The following KLHL12 variants were observed in gnomAD, a reference collection of about 807,000 sequenced individuals.
KLHL12 encodes kelch-like protein 12.
KLHL12 carries 17 observed loss-of-function variants against 60.8 expected under a neutral mutation model. That is an observed-to-expected ratio of 0.28 (90% CI 0.19 to 0.42). The LOEUF (loss-of-function observed/expected upper bound fraction) is 0.42. Among genes scored for constraint, KLHL12 ranks in the 10% least tolerant of loss-of-function variants. The pLI is 1.00. For missense variants in KLHL12, 468 were observed against 722.3 expected (o/e 0.65, Z 4.04); for synonymous variants, 220 against 250.9 (o/e 0.88, Z 1.16).
At chr1:202,912,878 G>A in intron 4 of KLHL12, 1 of 668,736 alleles carries the variant, frequency 1.5e-6, no homozygotes, top group Non-Finnish European at 2.7e-6. Context: ...ATACTCATGT[G>A]TATGGGCAAA....
chr1:202,895,443 T>C lies in KLHL12; in HGVS notation c.1135+79A>G. 1 of 1,224,050 alleles carries C rather than the reference T, an allele frequency of 8.2e-7. No homozygotes were observed. The highest frequency in any genetic ancestry group is 1.2e-6 in the Non-Finnish European group (1 of 863,734). The allele number at this position is 1,224,050 out of a possible 1,614,324, so 75.8% of individuals were successfully genotyped here. A position where few individuals can be genotyped will look rare whatever the true frequency, so the allele number is the denominator to read the frequency against. ...ATTTTTTCTCCGTATTTCATGCTCCTGCCAGACAACAGGAGAGGTTAAAAA... is the reference window on the plus strand; with the variant it reads ...ATTTTTTCTCCGTATTTCATGCTCCCGCCAGACAACAGGAGAGGTTAAAAA... On this transcript the variant is annotated intron_variant, in intron 8 of 11. Transcript: ENST00000367261. The surrounding 1 kb of genome is among the most constrained non-coding windows in gnomAD (Gnocchi z 4.2).
At chr1:202,904,284 G>A (rs868468489) in intron 6 of KLHL12, among the ~76,000 whole-genome samples, 8 of 152,210 alleles carry the variant, frequency 5.3e-5, no homozygotes, top group African/African-American at 1.2e-4. Context: ...GATTACAGGC[G>A]TAAGGCACCC....
intron 4 of KLHL12, among the ~76,000 whole-genome samples, chr1:202,916,157 G>A (rs1484745727): frequency 6.6e-6 from 1 of 152,218 alleles, no homozygotes; most frequent in East Asian, 1.9e-4. Context: ...CTAAGAGGCT[G>A]AGAACTAAGA....
In KLHL12 at chr1:202,904,659, G is replaced by C. The variant is rs184089247; in HGVS notation, c.832+4351C>G. ...CATCTTACAAGAACAGTGTGAAAAA[G>C]CACATTTCTAAAACTGAAGAACCTG... On this transcript the variant is annotated intron_variant, in intron 6 of 11. Transcript: ENST00000367261. Among the ~76,000 whole-genome samples the C allele has an allele frequency of 2.0e-5, 3 of 152,256 alleles. No homozygotes were observed. In the East Asian group the frequency reaches 5.8e-4, roughly 29 times the overall value.
At chr1:202,907,488 G>C (rs537812710) in intron 6 of KLHL12, among the ~76,000 whole-genome samples, 29 of 151,614 alleles carry the variant, frequency 1.9e-4, no homozygotes, top group African/African-American at 6.8e-4. Flanking sequence ...TGTTGTCCCA[G>C]CTACTCGGGA....
intron 4 of KLHL12, among the ~76,000 whole-genome samples, chr1:202,917,033 G>A (rs1050941430): frequency 1.3e-5 from 2 of 151,330 alleles, no homozygotes; most frequent in African/African-American, 4.9e-5. Context: ...GGGCTTCAAA[G>A]ACATCTAATA....
At chr1:202,914,028 G>A (rs1052964033) in intron 4 of KLHL12, among the ~76,000 whole-genome samples, 24 of 152,300 alleles carry the variant, frequency 1.6e-4, no homozygotes, top group African/African-American at 5.1e-4. Flanking sequence ...GCAGCTTGAG[G>A]AAATGACTAG....
chr1:202,904,283 C>T (rs1288892202), intron 6 of KLHL12, among the ~76,000 whole-genome samples: 2 of 152,350 alleles, frequency 1.3e-5, no homozygotes, highest in South Asian at 2.1e-4. Flanking sequence ...GGATTACAGG[C>T]GTAAGGCACC....
At chr1:202,904,158 C>T (rs940694383) in intron 6 of KLHL12, among the ~76,000 whole-genome samples, 1 of 152,100 alleles carries the variant, frequency 6.6e-6, no homozygotes, top group African/African-American at 2.4e-5. Context: ...GCATGTGCCA[C>T]CAAGCCCGGC....
Position 202,893,708 on chromosome 1 carries a change from T to TG in KLHL12, c.1394-284dup, listed in dbSNP as rs1272839404. Among the ~76,000 whole-genome samples the TG allele has an allele frequency of 2.6e-5, 4 of 152,054 alleles. No individual in the cohort carries two copies. The highest frequency in any genetic ancestry group is 7.2e-5 in the African/African-American group (3 of 41,412). On this transcript the variant is annotated intron_variant, in intron 10 of 11. Coordinates refer to ENST00000367261, the MANE Select transcript of KLHL12 (RefSeq NM_021633.4). The surrounding 1 kb of genome is among the most constrained non-coding windows in gnomAD (Gnocchi z 4.1). ...TTCTAATTAGGAGAAAGGGAGGAAGTGAAAAAAAGGTGGCAATAAAGGTAG... is the reference window on the plus strand; with the variant it reads ...TTCTAATTAGGAGAAAGGGAGGAAGTGGAAAAAAAGGTGGCAATAAAGGTAG...
chr1:202,924,585 C>A (rs1653429913), intron 2 of KLHL12, among the ~76,000 whole-genome samples: 1 of 151,968 alleles, frequency 6.6e-6, no homozygotes. Context: ...CATAGTGAGA[C>A]CCTGTCTCTA....
Position 202,895,455 on chromosome 1 carries a change from G to C in KLHL12, c.1135+67C>G. 1 of 1,351,914 alleles carries C rather than the reference G, an allele frequency of 7.4e-7. No individual in the cohort carries two copies. The highest frequency in any genetic ancestry group is 1.0e-6 in the Non-Finnish European group (1 of 970,772). The allele number at this position is 1,351,914 out of a possible 1,614,324, so 83.7% of individuals were successfully genotyped here. A position where few individuals can be genotyped will look rare whatever the true frequency, so the allele number is the denominator to read the frequency against. ...TATTTCATGCTCCTGCCAGACAACA[G>C]GAGAGGTTAAAAACCCTGGTCCAGC... On this transcript the variant is annotated intron_variant, in intron 8 of 11. Transcript: ENST00000367261. The surrounding 1 kb of genome is among the most constrained non-coding windows in gnomAD (Gnocchi z 4.2).
At chr1:202,911,344 C>T (rs979095840) in intron 4 of KLHL12, 141 bp from the exon 5 acceptor site, 170 of 896,758 alleles carry the variant, frequency 1.9e-4, no homozygotes, top group Non-Finnish European at 2.4e-4. Flanking sequence ...TAGCTAGGCT[C>T]TTGGGAAAAC....
chr1:202,925,589 G>A (rs1653501828), intron 1 of KLHL12, among the ~76,000 whole-genome samples: 1 of 152,162 alleles, frequency 6.6e-6, no homozygotes, highest in South Asian at 2.1e-4. Flanking sequence ...TCCTTAAGTA[G>A]ATAAGTATTT....
In KLHL12 at chr1:202,895,887, G is replaced by C. The variant is rs191075002; in HGVS notation, c.940-170C>G. Among the ~76,000 whole-genome samples the C allele has an allele frequency of 3.3e-5, 5 of 151,690 alleles. No homozygotes were observed. Among genetic ancestry groups the C allele is most frequent in the Admixed American group, 6.5e-5 (1 of 15,274 alleles). On this transcript the variant is annotated intron_variant, in intron 7 of 11. Transcript: ENST00000367261. This position sits in a 1 kb window ranked among gnomAD's most constrained non-coding sequence, Gnocchi z 4.2. ...AGTGGCTCCCAAATAGCTACCTACT[G>C]AACGAAATGCCTGTTGTGGTGCTCT...
At chr1:202,910,705 G>A (rs1009358869) in intron 5 of KLHL12, among the ~76,000 whole-genome samples, 1 of 152,148 alleles carries the variant, frequency 6.6e-6, no homozygotes, top group African/African-American at 2.4e-5. Context: ...AAAATGAAGA[G>A]GCTTGCTAAG....
At chr1:202,926,996 T>C in intron 1 of KLHL12, 93 bp downstream of exon 1, 1 of 920,068 alleles carries the variant, frequency 1.1e-6, no homozygotes, top group Non-Finnish European at 1.3e-6. Flanking sequence ...CATTCCGCCT[T>C]GCAGGGAGAC....
chr1:202,928,296 G>C (rs1301934105), upstream of KLHL12, among the ~76,000 whole-genome samples: 1 of 148,664 alleles, frequency 6.7e-6, no homozygotes, highest in Non-Finnish European at 1.5e-5. Context: ...AAAGAAAAAA[G>C]AAAAAAAAGA....
In KLHL12 at chr1:202,893,285, AG is replaced by A. The variant is rs1659733802; in HGVS notation, c.1533del (p.Tyr512MetfsTer2). ...TTVTSMTTPR[C>X]YVGATVLRGR... is the part of the protein sequence containing the mutation. Reference sequence around the variant, plus strand: ...CCCCGAAGCACTGTGGCCCCTACATAGCATCGTGGAGTGGTCATACTGGTGA... The same window carrying A: ...CCCCGAAGCACTGTGGCCCCTACATACATCGTGGAGTGGTCATACTGGTGA... On this transcript the variant is annotated frameshift_variant, in exon 11 of 12. Transcript: ENST00000367261. LOFTEE classifies it high-confidence loss of function. The surrounding 1 kb of genome is among the most constrained non-coding windows in gnomAD (Gnocchi z 4.1). 3 of 1,612,646 alleles carry A rather than the reference AG, an allele frequency of 1.9e-6. No homozygotes were observed. Among genetic ancestry groups the A allele is most frequent in the Non-Finnish European group, 2.5e-6 (3 of 1,179,766 alleles).
Sources: gnomAD v4.1 joint callset for allele counts (sites outside exome capture counted in the v4.1 genomes callset) on GRCh38, gnomAD v4.1.1 for gene constraint, Gnocchi (gnomAD v3.1) non-coding constraint, MANE v1.5 for transcripts, NCBI Gene and HGNC (gene_info 2026-07-23, HGNC 2026-07-21) for gene names.